The following SYN2 variants were observed in gnomAD, a reference collection of about 807,000 sequenced individuals.
SYN2 encodes the protein synapsin II, also known as synapsin-2.
A neutral mutation model predicts 50.9 loss-of-function variants in SYN2; 19 were observed. The ratio of observed to expected loss-of-function variants is 0.37; its 90% CI spans 0.26 to 0.55. SYN2 has a LOEUF of 0.55. Among genes scored for constraint, SYN2 ranks in the 20% least tolerant of loss-of-function variants. SYN2 has a pLI of 0.81. For missense variants in SYN2, 587 were observed against 576.4 expected (o/e 1.02, Z -0.19); for synonymous variants, 255 against 224.9 (o/e 1.13, Z -1.20).
intron 1 of SYN2, among the ~76,000 whole-genome samples, chr3:12,040,904 CTT>C (rs1694596788): frequency 6.6e-6 from 1 of 152,160 alleles, no homozygotes; most frequent in South Asian, 2.1e-4. Context: ...GTGCTTCTCT[CTT>C]CTCTTCTATA....
intron 1 of SYN2, among the ~76,000 whole-genome samples, chr3:12,137,607 C>T (rs1696922420): frequency 6.6e-6 from 1 of 152,120 alleles, no homozygotes; most frequent in Admixed American, 6.5e-5. Flanking sequence ...TACTGTATGT[C>T]CTTCAAATGG....
rs1048557322 is a variant in SYN2 at position 12,190,805 on chromosome 3, C to G, written c.*180C>G. ...AAAGGACCATTTGACAGTCTCAGGGCAGGTGCCTACCCAGCAAGGGGTACC... is the reference window on the plus strand; with the variant it reads ...AAAGGACCATTTGACAGTCTCAGGGGAGGTGCCTACCCAGCAAGGGGTACC... On this transcript the variant is annotated 3_prime_UTR_variant, in exon 13 of 13. Coordinates refer to ENST00000621198, the MANE Select transcript of SYN2 (RefSeq NM_133625.6). 7.3e-7 allele frequency: 1 copy of G among 1,367,530 alleles called. No homozygotes were observed. The highest frequency in any genetic ancestry group is 9.4e-7 in the Non-Finnish European group (1 of 1,067,750). The allele number at this position is 1,367,530 out of a possible 1,614,324, so 84.7% of individuals were successfully genotyped here.
intron 1 of SYN2, among the ~76,000 whole-genome samples, chr3:12,081,230 C>T (rs950186749): frequency 2.0e-5 from 3 of 152,120 alleles, no homozygotes; most frequent in Non-Finnish European, 4.4e-5. Context: ...ATTGCTTTTC[C>T]TAATGCATTG....
At chr3:12,092,469 G>GT (rs1695851101) in intron 1 of SYN2, among the ~76,000 whole-genome samples, 1 of 152,168 alleles carries the variant, frequency 6.6e-6, no homozygotes, top group African/African-American at 2.4e-5. Flanking sequence ...AGAGGAAGAA[G>GT]TAAGTTAGTT....
At chr3:12,063,510 C>T (rs1054055180) in intron 1 of SYN2, among the ~76,000 whole-genome samples, 1 of 152,008 alleles carries the variant, frequency 6.6e-6, no homozygotes, top group Non-Finnish European at 1.5e-5. Flanking sequence ...AAGATGGAGT[C>T]AACCAGGTTT....
chr3:12,047,395 A>G (rs1334407007), intron 1 of SYN2, among the ~76,000 whole-genome samples: 1 of 152,182 alleles, frequency 6.6e-6, no homozygotes, highest in Non-Finnish European at 1.5e-5. Context: ...TACTGAGAAG[A>G]AGGAAGGATG....
At chr3:12,126,303 G>A (rs1469432244) in intron 1 of SYN2, among the ~76,000 whole-genome samples, 1 of 152,176 alleles carries the variant, frequency 6.6e-6, no homozygotes, top group East Asian at 1.9e-4. Context: ...CTTTATCCCT[G>A]TTGCCCTGGC....
At chr3:12,006,750 A>G (rs549601780) in intron 1 of SYN2, among the ~76,000 whole-genome samples, 19 of 152,366 alleles carry the variant, frequency 1.2e-4, no homozygotes, top group African/African-American at 4.6e-4. Context: ...AAATTGGGAC[A>G]CAAAGTGGAT....
chr3:12,148,729 A>C (rs1421681842), intron 4 of SYN2: 1 of 152,236 alleles, frequency 6.6e-6, no homozygotes, highest in Non-Finnish European at 1.5e-5. Flanking sequence ...AGTGCACCAG[A>C]GTTAAATTAA....
chr3:12,118,292 A>C (rs1335770457), intron 1 of SYN2, among the ~76,000 whole-genome samples: 1 of 152,208 alleles, frequency 6.6e-6, no homozygotes, highest in Non-Finnish European at 1.5e-5. Context: ...GGCTTGGTGC[A>C]GTGACTCATG....
chr3:12,167,100 G>T, intron 7 of SYN2, 134 bp from the exon 8 acceptor site: 1 of 858,530 alleles, frequency 1.2e-6, no homozygotes, highest in Middle Eastern at 3.1e-4. Flanking sequence ...AGGCTCAGCA[G>T]ACAGACCCCT....
chr3:12,042,297 C>G (rs935278277), intron 1 of SYN2, among the ~76,000 whole-genome samples: 3 of 152,134 alleles, frequency 2.0e-5, no homozygotes, highest in Non-Finnish European at 4.4e-5. Context: ...TGTGATACTT[C>G]TATTTAAAGT....
intron 1 of SYN2, among the ~76,000 whole-genome samples, chr3:12,095,399 T>G (rs1461077911): frequency 1.4e-5 from 2 of 138,848 alleles, no homozygotes; most frequent in African/African-American, 5.4e-5. Context: ...ATACAAAAAA[T>G]TAGCTGGGCA....
At chr3:12,033,627 T>G (rs1161727088) in intron 1 of SYN2, among the ~76,000 whole-genome samples, 1 of 152,232 alleles carries the variant, frequency 6.6e-6, no homozygotes. Context: ...TCAGAACATC[T>G]TAATCACCCC....
chr3:12,060,755 G>A (rs1363150308), intron 1 of SYN2, among the ~76,000 whole-genome samples: 2 of 152,068 alleles, frequency 1.3e-5, no homozygotes, highest in African/African-American at 2.4e-5. Flanking sequence ...CAAACTCCTA[G>A]CTAGATTAAC....
intron 1 of SYN2, among the ~76,000 whole-genome samples, chr3:12,114,550 T>C (rs1029817037): frequency 2.0e-5 from 3 of 152,178 alleles, no homozygotes. Flanking sequence ...TGTTTTCTTC[T>C]AACAGTTTTA....
chr3:12,147,188 G>GGTGTGTGTGTGTGTGTAT (rs1553618920), intron 4 of SYN2, among the ~76,000 whole-genome samples: 2 of 151,280 alleles, frequency 1.3e-5, no homozygotes, highest in African/African-American at 4.8e-5. Flanking sequence ...GCTGAAGAGG[G>GGTGTGTGTGTGTGTGTAT]GTGTGTGTGT....
At chr3:12,059,425 G>A (rs1299102235) in intron 1 of SYN2, among the ~76,000 whole-genome samples, 1 of 152,076 alleles carries the variant, frequency 6.6e-6, no homozygotes, top group African/African-American at 2.4e-5. Context: ...TTTAAAAGCT[G>A]GAATCAGTAG....
At position 12,135,692 on chromosome 3, in the gene SYN2, T is replaced by A. The variant is rs563559373; in HGVS notation, c.378-4959T>A. On this transcript the variant is annotated intron_variant, in intron 1 of 12. Transcript: ENST00000621198. ...GGAGAGGAAGGAAAGAACTTGACCC[T>A]CAGGATTGACACATGTGAGAAGAAG... Among the ~76,000 whole-genome samples, 6 of 152,248 alleles carry A rather than the reference T, an allele frequency of 3.9e-5. No homozygotes were observed. In the South Asian group the frequency reaches 1.2e-3, roughly 32 times the overall value.
Sources: allele counts gnomAD v4.1 joint callset (sites outside exome capture counted in the v4.1 genomes callset), GRCh38; gene constraint gnomAD v4.1.1; transcripts MANE v1.5; gene names NCBI Gene and HGNC (gene_info 2026-07-23, HGNC 2026-07-21).